SCN8A: variants seen among roughly 807,000 people sequenced by gnomAD.
SCN8A encodes sodium channel protein type 8 subunit alpha.
Under a neutral mutation model 184.1 loss-of-function variants are expected in SCN8A, and 30 were observed. The observed-to-expected ratio is 0.16, with a 90% CI of 0.12 to 0.22. The LOEUF is 0.22. SCN8A is among the 10% of genes least tolerant of loss of function. The pLI is 1.00. For missense variants in SCN8A, 1,057 were observed against 2,498.9 expected (o/e 0.42, Z 12.30); for synonymous variants, 852 against 907.0 (o/e 0.94, Z 1.09).
chr12:51,681,439 G>T (rs1592376072), intron 2 of SCN8A, among the ~76,000 whole-genome samples: 1 of 152,156 alleles, frequency 6.6e-6, no homozygotes, highest in Non-Finnish European at 1.5e-5. Context: ...TATTTAAAAG[G>T]CTATTTTCAT....
chr12:51,780,701 C>A lies in SCN8A; in HGVS notation c.3872C>A (p.Ala1291Asp). 6.3e-7 allele frequency: 1 copy of A among 1,598,368 alleles called. No homozygotes were observed. The highest frequency in any genetic ancestry group is 2.3e-5 in the East Asian group (1 of 43,952). ...GCCCTGGGCTACTCGGAACTAGGTG[C>A]CATAAAGTCCCTTAGGACCCTAAGA... ...ANALGYSELG[A>D]IKSLRTLRAL... Residue 1291 changes from alanine (A) to aspartate (D), a missense_variant, in exon 21 of 27, where the codon GCC (alanine) becomes GAC (aspartate). By Grantham distance (126) the Ala-to-Asp change is moderately radical (BLOSUM62 -2). Around this residue, in one of 19 missense-constraint regions of SCN8A, gnomAD observed 7 missense variants for 81.6 expected, o/e 0.09. Coordinates refer to ENST00000627620, the MANE Select transcript of SCN8A (RefSeq NM_001330260.2).
chr12:51,727,141 T>G (rs1292384206), intron 12 of SCN8A, among the ~76,000 whole-genome samples: 1 of 152,136 alleles, frequency 6.6e-6, no homozygotes, highest in Non-Finnish European at 1.5e-5. Context: ...ACTGCTGTAA[T>G]TTAGGAGGTT....
At chr12:51,695,585 A>C (rs1403774706) in intron 6 of SCN8A, among the ~76,000 whole-genome samples, 2 of 152,202 alleles carry the variant, frequency 1.3e-5, no homozygotes, top group Non-Finnish European at 2.9e-5. Flanking sequence ...AGTAGAAACC[A>C]GAATGCAGAG....
At chr12:51,699,485 G>A in intron 6 of SCN8A, 85 bp from the exon 7 acceptor site, 1 of 926,702 alleles carries the variant, frequency 1.1e-6, no homozygotes, top group South Asian at 1.7e-5. Flanking sequence ...GTGGGGAGGA[G>A]TAGCAGCCAG....
At chr12:51,595,677 C>CT (rs1446880782) in intron 1 of SCN8A, among the ~76,000 whole-genome samples, 1 of 152,182 alleles carries the variant, frequency 6.6e-6, no homozygotes, top group Non-Finnish European at 1.5e-5. Flanking sequence ...AATGAAATCT[C>CT]TGTTTCCTTA....
intron 12 of SCN8A, among the ~76,000 whole-genome samples, chr12:51,724,457 A>AAAAAC (rs546422107): frequency 1.3e-5 from 2 of 152,220 alleles, no homozygotes; most frequent in East Asian, 1.9e-4. Flanking sequence ...TCAAAAAAGA[A>AAAAAC]AAAACAAAAC....
At chr12:51,716,170 C>CA (rs11403927) in intron 11 of SCN8A, among the ~76,000 whole-genome samples, 119,321 of 151,984 alleles carry the variant, frequency 0.79, 48,332 homozygotes, top group East Asian at 0.9. Flanking sequence ...CCTGTATCTA[C>CA]AAAAAATATA....
chr12:51,778,113 G>A (rs943127163), intron 20 of SCN8A, among the ~76,000 whole-genome samples: 1 of 152,138 alleles, frequency 6.6e-6, no homozygotes, highest in Non-Finnish European at 1.5e-5. Flanking sequence ...AGTTTAGGCA[G>A]ACATTGAACT....
intron 6 of SCN8A, among the ~76,000 whole-genome samples, chr12:51,691,081 G>A (rs1378973530): frequency 6.6e-6 from 1 of 152,098 alleles, no homozygotes; most frequent in East Asian, 1.9e-4. Flanking sequence ...ATTTTTTGAG[G>A]CATCTGGAAT....
At chr12:51,599,535 A>G (rs1939421006) in intron 1 of SCN8A, among the ~76,000 whole-genome samples, 2 of 152,210 alleles carry the variant, frequency 1.3e-5, no homozygotes, top group Non-Finnish European at 2.9e-5. Context: ...CAAAGATAGG[A>G]TAGAGTTAGC....
Position 51,701,190 on chromosome 12 carries a change from G to C in SCN8A, c.975G>C (p.Gly325=), listed in dbSNP as rs765299562. The C allele has an allele frequency of 1.2e-6, 2 of 1,609,586 alleles. No homozygotes were observed. Among genetic ancestry groups the C allele is most frequent in the South Asian group, 1.1e-5 (1 of 90,058 alleles). The part of the protein sequence containing the change: ...VPGMLEPLLC[G]NSSDAGQCPE... ...GCATGCTGGAACCTTTACTCTGTGGGAACAGTTCTGATGCTGGGTAAGTAG... is the reference window on the plus strand; with the variant it reads ...GCATGCTGGAACCTTTACTCTGTGGCAACAGTTCTGATGCTGGGTAAGTAG... The change falls in exon 8 of 27, where the codon GGG becomes GGC. Residue 325 remains glycine (G), a synonymous_variant. Transcript: ENST00000627620.
At chr12:51,659,819 G>T (rs1940893358) in intron 1 of SCN8A, among the ~76,000 whole-genome samples, 1 of 152,188 alleles carries the variant, frequency 6.6e-6, no homozygotes, top group South Asian at 2.1e-4. Flanking sequence ...AGCAAAAGGG[G>T]ACTTGGCAGA....
chr12:51,743,433 A>G (rs939766039), intron 12 of SCN8A, among the ~76,000 whole-genome samples: 2 of 152,172 alleles, frequency 1.3e-5, no homozygotes, highest in African/African-American at 4.8e-5. Context: ...TCATAGAAAT[A>G]CCACCTTGGT....
chr12:51,735,301 A>G (rs1467435093), intron 12 of SCN8A, among the ~76,000 whole-genome samples: 1 of 152,190 alleles, frequency 6.6e-6, no homozygotes, highest in Non-Finnish European at 1.5e-5. Flanking sequence ...GGACCAATTA[A>G]TAATGATTCC....
chr12:51,767,698 T>G (rs564983258), intron 16 of SCN8A, among the ~76,000 whole-genome samples: 1 of 152,194 alleles, frequency 6.6e-6, no homozygotes, highest in African/African-American at 2.4e-5. Context: ...TAAGGAAATA[T>G]TTTTAACAAA....
chr12:51,801,455 C>T (rs1938555115), intron 26 of SCN8A, among the ~76,000 whole-genome samples: 1 of 152,136 alleles, frequency 6.6e-6, no homozygotes, highest in African/African-American at 2.4e-5. Flanking sequence ...GTGACTAATC[C>T]ACTCTAGCAT....
At chr12:51,618,979 G>A (rs1201894434) in intron 1 of SCN8A, among the ~76,000 whole-genome samples, 2 of 152,150 alleles carry the variant, frequency 1.3e-5, no homozygotes, top group Non-Finnish European at 2.9e-5. Flanking sequence ...AAGTAAGAGA[G>A]GTAAGTCTTC....
intron 1 of SCN8A, among the ~76,000 whole-genome samples, chr12:51,615,826 T>C (rs984162112): frequency 2.6e-5 from 4 of 152,186 alleles, no homozygotes; most frequent in Non-Finnish European, 5.9e-5. Context: ...TAAGTGATCC[T>C]CTCACCTCAG....
In SCN8A at chr12:51,803,957, C is replaced by T. The variant is rs369416165; in HGVS notation, c.4796-2325C>T. 2.6e-5 allele frequency among the ~76,000 whole-genome samples: 4 copies of T among 152,232 alleles called. No homozygotes were observed. The East Asian group carries it at 5.8e-4, about 22-fold the overall frequency. On this transcript the variant is annotated intron_variant, in intron 26 of 26. Transcript: ENST00000627620. ...CTATAGCCTTCTGCAGTTAACTGCC[C>T]CAGTGTTTATGCATTCTTATGAGTG...
Sources: gnomAD v4.1 joint callset for allele counts (sites outside exome capture counted in the v4.1 genomes callset) on GRCh38, gnomAD v4.1.1 for gene constraint, gnomAD v4.1.1 regional missense constraint, MANE v1.5 for transcripts, NCBI Gene and HGNC (gene_info 2026-07-23, HGNC 2026-07-21) for gene names.